KCNH1: variants seen among roughly 807,000 people sequenced by gnomAD.
The protein encoded by KCNH1 is potassium voltage-gated channel subfamily H member 1.
A neutral mutation model predicts 69.2 loss-of-function variants in KCNH1; 27 were observed. The ratio of observed to expected loss-of-function variants is 0.39; its 90% CI spans 0.29 to 0.54. KCNH1 has a LOEUF of 0.54. KCNH1 is among the 20% of genes least tolerant of loss of function. The pLI is 0.68. For synonymous variants in KCNH1, 456 were observed against 487.7 expected (o/e 0.93, Z 0.86); for missense variants, 798 against 1,261.6 (o/e 0.63, Z 5.57).
chr1:210,924,574 T>C (rs930911555), intron 6 of KCNH1, among the ~76,000 whole-genome samples: 2 of 152,202 alleles, frequency 1.3e-5, no homozygotes, highest in Non-Finnish European at 2.9e-5. Flanking sequence ...GTAGATGAGA[T>C]AAATAAAAAA....
At chr1:210,774,612 G>C (rs1683825227) in intron 10 of KCNH1, among the ~76,000 whole-genome samples, 1 of 152,128 alleles carries the variant, frequency 6.6e-6, no homozygotes, top group South Asian at 2.1e-4. Context: ...CAGGTGCAGA[G>C]CTATCTTGTT....
At chr1:210,736,267 T>G (rs1188777424) in intron 10 of KCNH1, among the ~76,000 whole-genome samples, 1 of 152,158 alleles carries the variant, frequency 6.6e-6, no homozygotes, top group Non-Finnish European at 1.5e-5. Flanking sequence ...GGGATGTTCC[T>G]GGGTAAAGAG....
intron 9 of KCNH1, among the ~76,000 whole-genome samples, chr1:210,792,740 A>G (rs1045930012): frequency 1.3e-4 from 20 of 152,298 alleles, no homozygotes; most frequent in African/African-American, 4.8e-4. Context: ...CATAAAGAAA[A>G]CATAAATTGA....
At chr1:211,017,766 C>T (rs1037720930) in intron 6 of KCNH1, among the ~76,000 whole-genome samples, 4 of 152,188 alleles carry the variant, frequency 2.6e-5, no homozygotes, top group African/African-American at 9.7e-5. Flanking sequence ...AACACATCTA[C>T]ACAGAATTTA....
At chr1:211,041,163 C>T (rs141843621) in intron 5 of KCNH1, among the ~76,000 whole-genome samples, 30 of 152,264 alleles carry the variant, frequency 2.0e-4, no homozygotes, top group African/African-American at 4.6e-4. Flanking sequence ...AATCACCTTC[C>T]AACGCATCCC....
intron 9 of KCNH1, among the ~76,000 whole-genome samples, chr1:210,788,633 C>T (rs1278877621): frequency 6.8e-6 from 1 of 146,916 alleles, no homozygotes; most frequent in Admixed American, 6.8e-5. Flanking sequence ...CTACCTGATA[C>T]AAGTGGTTTT....
rs368307815 is a variant in KCNH1 at position 210,789,589 on chromosome 1, ACT to A, written c.1915+7917_1915+7918del. 4.9e-4 allele frequency among the ~76,000 whole-genome samples: 75 copies of A among 152,312 alleles called. 4 individuals are homozygous for A. The East Asian group carries it at 0.014, about 28-fold the overall frequency. On this transcript the variant is annotated intron_variant, in intron 9 of 10. Coordinates refer to ENST00000271751, the MANE Select transcript of KCNH1 (RefSeq NM_172362.3). Reference sequence around the variant, plus strand: ...AAATGTGAAATTTGAAATAATGTTGACTCTCTCAATACCCCTTTGAAAATTAA... The same window carrying A: ...AAATGTGAAATTTGAAATAATGTTGACTCTCAATACCCCTTTGAAAATTAA...
intron 7 of KCNH1, among the ~76,000 whole-genome samples, chr1:210,830,698 A>C (rs1464800937): frequency 6.6e-6 from 1 of 152,226 alleles, no homozygotes; most frequent in African/African-American, 2.4e-5. Context: ...TCAATCCAAC[A>C]AAACTGAGTC....
At chr1:210,719,991 A>G (rs1376158942) in intron 10 of KCNH1, among the ~76,000 whole-genome samples, 1 of 152,050 alleles carries the variant, frequency 6.6e-6, no homozygotes, top group Non-Finnish European at 1.5e-5. Context: ...TCTTTCCTAT[A>G]TTCCTCTTAA....
At chr1:210,825,443 C>A (rs2102431792) in intron 7 of KCNH1, among the ~76,000 whole-genome samples, 1 of 152,332 alleles carries the variant, frequency 6.6e-6, no homozygotes, top group Admixed American at 6.5e-5. Context: ...ACAGTGACTA[C>A]TAATACAGTT....
At position 210,683,587 on chromosome 1, in the gene KCNH1, G is replaced by A; in HGVS notation, c.2664C>T (p.Asp888=). Residue 888 remains aspartate (D), a synonymous_variant, in exon 11 of 11, where the codon GAC becomes GAT. Transcript: ENST00000271751. This position sits in a 1 kb window ranked among gnomAD's most constrained non-coding sequence, Gnocchi z 5.7. ...CCTCACCCACGTTGTCCAGGCGCAA[G>A]TCGCTCTTGGTGATGCCACTGTCAC... The part of the protein sequence containing the change: ...DSCDSGITKS[D]LRLDNVGEAR... 6.2e-7 allele frequency: 1 copy of A among 1,614,204 alleles called. No homozygotes were observed. The highest frequency in any genetic ancestry group is 8.5e-7 in the Non-Finnish European group (1 of 1,180,040).
chr1:211,003,033 TTTTG>T lies in KCNH1; in HGVS notation c.1032+15746_1032+15749del, dbSNP rs61680039. ...GTATGACTTGTGAGCTAAGAATGTT[TTTTG>T]TTTGTTTGTTTGTTTGTTTGTTTGT... On this transcript the variant is annotated intron_variant, in intron 6 of 10. Transcript: ENST00000271751. Among the ~76,000 whole-genome samples the T allele has an allele frequency of 8.1e-3, 1,219 of 151,238 alleles. 12 individuals carry two copies. Among genetic ancestry groups the T allele is most frequent in the African/African-American group, 0.02 (810 of 41,084 alleles).
chr1:210,856,117 C>A (rs897373474), intron 7 of KCNH1, among the ~76,000 whole-genome samples: 1 of 152,092 alleles, frequency 6.6e-6, no homozygotes, highest in African/African-American at 2.4e-5. Context: ...AAAAGAGTTC[C>A]AAACCCTTTT....
At chr1:211,098,161 A>G (rs187576857) in intron 3 of KCNH1, among the ~76,000 whole-genome samples, 21 of 152,096 alleles carry the variant, frequency 1.4e-4, no homozygotes, top group Admixed American at 3.9e-4. Flanking sequence ...CTACAAAAAT[A>G]CAAAAAAAAA....
intron 8 of KCNH1, among the ~76,000 whole-genome samples, chr1:210,799,921 G>A (rs1173495227): frequency 6.6e-6 from 1 of 152,150 alleles, no homozygotes; most frequent in Non-Finnish European, 1.5e-5. Flanking sequence ...CAGTGGAAAG[G>A]GGTCAAAGAG....
intron 10 of KCNH1, among the ~76,000 whole-genome samples, chr1:210,701,355 G>C (rs1320455828): frequency 6.6e-6 from 1 of 152,188 alleles, no homozygotes; most frequent in Non-Finnish European, 1.5e-5. Flanking sequence ...TTGCAGGTCT[G>C]AGCCACCATG....
intron 6 of KCNH1, among the ~76,000 whole-genome samples, chr1:210,936,124 G>T (rs1168357376): frequency 2.0e-5 from 3 of 152,174 alleles, no homozygotes; most frequent in Non-Finnish European, 4.4e-5. Flanking sequence ...GTTCTGACAG[G>T]CTTCCAGGTC....
At chr1:210,788,246 A>C (rs1193546941) in intron 9 of KCNH1, among the ~76,000 whole-genome samples, 1 of 152,246 alleles carries the variant, frequency 6.6e-6, no homozygotes, top group African/African-American at 2.4e-5. Flanking sequence ...ACTTCAGTTA[A>C]CATTTTGGTA....
chr1:211,058,003 A>G (rs576427512), intron 5 of KCNH1, among the ~76,000 whole-genome samples: 1 of 152,292 alleles, frequency 6.6e-6, no homozygotes, highest in South Asian at 2.1e-4. Context: ...GCTCCAATAT[A>G]TCTGGCAGCA....
Sources: gnomAD v4.1 joint callset for allele counts (sites outside exome capture counted in the v4.1 genomes callset) on GRCh38, gnomAD v4.1.1 for gene constraint, Gnocchi (gnomAD v3.1) non-coding constraint, MANE v1.5 for transcripts, NCBI Gene and HGNC (gene_info 2026-07-23, HGNC 2026-07-21) for gene names.